Variants in SYCP1 observed in about 807,000 individuals in gnomAD.
The protein encoded by SYCP1 is cancer/testis antigen 8.
A neutral mutation model predicts 153.1 loss-of-function variants in SYCP1; 64 were observed. The observed-to-expected ratio is 0.42, with a 90% confidence interval of 0.34 to 0.51. SYCP1 has a LOEUF of 0.51. SYCP1 is among the 20% of genes least tolerant of loss of function. The pLI is 0.06. For synonymous variants in SYCP1, 384 were observed against 341.8 expected (o/e 1.12, Z -1.36); for missense variants, 997 against 1,049.0 (o/e 0.95, Z 0.68).
At chr1:114,874,218 C>A (rs957166450) in intron 8 of SYCP1, among the ~76,000 whole-genome samples, 1 of 152,078 alleles carries the variant, frequency 6.6e-6, no homozygotes, top group Admixed American at 6.6e-5. Context: ...GTTTGCCCTG[C>A]GACTTTACTT....
At chr1:114,969,376 G>A (rs578077665) in intron 27 of SYCP1, among the ~76,000 whole-genome samples, 16 of 152,284 alleles carry the variant, frequency 1.1e-4, no homozygotes, top group African/African-American at 3.8e-4. Flanking sequence ...TGGCTACAGT[G>A]GCTTTGCCAT....
intron 12 of SYCP1, among the ~76,000 whole-genome samples, 184 bp from the exon 13 acceptor site, chr1:114,885,351 A>G (rs1225108577): frequency 3.9e-5 from 6 of 152,110 alleles, no homozygotes; most frequent in African/African-American, 7.2e-5. Context: ...TTGGGAGATA[A>G]CAATCTTGAA....
At chr1:114,941,492 C>T (rs754843684) in intron 23 of SYCP1, among the ~76,000 whole-genome samples, 10 of 152,006 alleles carry the variant, frequency 6.6e-5, no homozygotes, top group Non-Finnish European at 1.2e-4. Flanking sequence ...TAGCATGTAG[C>T]CAGAGTTTAT....
intron 23 of SYCP1, among the ~76,000 whole-genome samples, chr1:114,932,574 C>T (rs1306486666): frequency 1.3e-5 from 2 of 152,140 alleles, no homozygotes; most frequent in Non-Finnish European, 2.9e-5. Context: ...GGGTGCAGCC[C>T]ACAGAGCGTG....
rs1176684692 is a variant in SYCP1 at position 114,926,549 on chromosome 1, G to A, written c.1912G>A (p.Val638Ile). ...KGTAESKQLN[V>I]YEIKVNKLEL... The stretch of plus-strand genomic sequence containing the variant: ...TACAGCAGAAAGCAAGCAACTGAAT[G>A]TTTATGAGATAAAGGTATTTGGCAT... Residue 638 changes from valine (V) to isoleucine (I), a missense_variant, in exon 23 of 32, where the codon GTT becomes ATT. Around this residue, in one of 2 missense-constraint regions of SYCP1, gnomAD observed 712 missense variants for 682.9 expected, o/e 1.04. Coordinates refer to ENST00000369522, the MANE Select transcript of SYCP1 (RefSeq NM_003176.4). The A allele has an allele frequency of 1.4e-5, 22 of 1,591,692 alleles. No homozygotes were observed. The highest frequency in any genetic ancestry group is 1.9e-5 in the Non-Finnish European group (22 of 1,168,356).
intron 12 of SYCP1, among the ~76,000 whole-genome samples, chr1:114,880,027 T>C (rs142760924): frequency 2.0e-5 from 3 of 152,358 alleles, no homozygotes; most frequent in Admixed American, 2.0e-4. Context: ...TCGTCATTGA[T>C]ATTTTATAGC....
intron 23 of SYCP1, 133 bp from the exon 24 acceptor site, chr1:114,944,206 A>C: frequency 1.9e-6 from 1 of 534,482 alleles, no homozygotes; most frequent in Non-Finnish European, 3.3e-6. Context: ...TGAAAATGTA[A>C]GGAAAGTGAT....
At chr1:114,947,125 C>T (rs750599005) in intron 26 of SYCP1, 121 bp from the exon 27 acceptor site, 8 of 768,370 alleles carry the variant, frequency 1.0e-5, no homozygotes, top group Non-Finnish European at 1.5e-5. Flanking sequence ...AAAGTATCTA[C>T]ATTTTATGAG....
At chr1:114,969,784 A>G (rs1173586971) in intron 27 of SYCP1, among the ~76,000 whole-genome samples, 1 of 152,096 alleles carries the variant, frequency 6.6e-6, no homozygotes, top group Non-Finnish European at 1.5e-5. Context: ...GTAGGCACCC[A>G]ATGGAATCTC....
In SYCP1 at chr1:114,977,540, A is replaced by G. The variant is rs1426158150; in HGVS notation, c.2323-17A>G. On this transcript the variant is annotated splice_polypyrimidine_tract_variant and intron_variant, in intron 27 of 31. Transcript: ENST00000369522. ...GTGATGTTTATGTTACTTGTACTTG[A>G]TATTTATTTTTAATAGGAAAAACTC... 4 of 1,355,882 alleles carry G rather than the reference A, an allele frequency of 3.0e-6. No individual in the cohort carries two copies. The highest frequency in any genetic ancestry group is 4.0e-6 in the Non-Finnish European group (4 of 1,002,534). The allele number at this position is 1,355,882 out of a possible 1,614,324, so 84.0% of individuals were successfully genotyped here.
Position 114,981,461 on chromosome 1 carries a change from A to G in SYCP1, c.2508A>G (p.Arg836=), listed in dbSNP as rs61490081. 2,746 of 1,608,280 alleles carry G rather than the reference A, an allele frequency of 1.7e-3. 35 individuals are homozygous for G. In the East Asian group the frequency reaches 0.035, roughly 21 times the overall value. ...ATCATGGCATATCCAAAGATAAAAG[A>G]GACTATCTGTGGACATCTGCCAAAA... ...SVDHGISKDK[R]DYLWTSAKNT... The change falls in exon 29 of 32, where the codon AGA becomes AGG. Residue 836 remains arginine, a synonymous_variant. Transcript: ENST00000369522.
intron 16 of SYCP1, among the ~76,000 whole-genome samples, chr1:114,897,924 G>C (rs979813055): frequency 6.6e-6 from 1 of 152,196 alleles, no homozygotes; most frequent in Non-Finnish European, 1.5e-5. Flanking sequence ...GGGGAGCCTA[G>C]AGGGTGGAAG....
chr1:114,988,386 G>A (rs1259823717), intron 30 of SYCP1, among the ~76,000 whole-genome samples: 1 of 151,952 alleles, frequency 6.6e-6, no homozygotes. Context: ...ACTGTTGGGA[G>A]AAAAAATGAA....
intron 23 of SYCP1, among the ~76,000 whole-genome samples, chr1:114,934,382 C>T (rs577861816): frequency 1.3e-5 from 2 of 152,264 alleles, no homozygotes; most frequent in Admixed American, 6.5e-5. Context: ...CACCACCAGG[C>T]CTGCCTTACA....
At chr1:114,923,354 A>G in intron 20 of SYCP1, 95 bp from the exon 21 acceptor site, 2 of 1,316,972 alleles carry the variant, frequency 1.5e-6, no homozygotes, top group East Asian at 2.9e-5. Flanking sequence ...TGGTTAAAGA[A>G]TGTGGTCTTT....
intron 30 of SYCP1, 92 bp from the exon 31 acceptor site, chr1:114,994,606 G>A: frequency 2.2e-6 from 2 of 909,024 alleles, no homozygotes; most frequent in Non-Finnish European, 3.1e-6. Context: ...TCTACTCTTT[G>A]TTCTCCTCAC....
chr1:114,914,065 C>T lies in SYCP1; in HGVS notation c.1718+20C>T. ...ATTAAGGCAAGACTAACAAATTGGC[C>T]TTTTTTTGTCTGGCAAAAGATTTTG... is the stretch of plus-strand genomic sequence containing the variant. On this transcript the variant is annotated intron_variant, in intron 20 of 31. Coordinates refer to ENST00000369522, the MANE Select transcript of SYCP1 (RefSeq NM_003176.4). 6.6e-7 allele frequency: 1 copy of T among 1,506,116 alleles called. No individual in the cohort carries two copies. Among genetic ancestry groups the T allele is most frequent in the Non-Finnish European group, 8.9e-7 (1 of 1,127,638 alleles). 93.3% of individuals were successfully genotyped at this position (1,506,116 alleles called of 1,614,324 possible).
chr1:114,938,729 GA>G (rs202011310), intron 23 of SYCP1, among the ~76,000 whole-genome samples: 5 of 148,786 alleles, frequency 3.4e-5, no homozygotes, highest in Non-Finnish European at 6.0e-5. Flanking sequence ...TCTTGGCCTG[GA>G]AAAAAAAATA....
At chr1:114,873,697 C>T (rs1020608348) in intron 8 of SYCP1, among the ~76,000 whole-genome samples, 2 of 152,092 alleles carry the variant, frequency 1.3e-5, no homozygotes, top group African/African-American at 4.8e-5. Flanking sequence ...TGGTAGAGCT[C>T]CAGAAGGTTA....
Sources: allele counts gnomAD v4.1 joint callset (sites outside exome capture counted in the v4.1 genomes callset), GRCh38; gene constraint gnomAD v4.1.1; regional missense constraint gnomAD v4.1.1; transcripts MANE v1.5; gene names NCBI Gene and HGNC (gene_info 2026-07-23, HGNC 2026-07-21).